Variants in EBF1 observed in about 807,000 individuals in gnomAD.
The protein encoded by EBF1 is transcription factor COE1.
A neutral mutation model predicts 68.4 loss-of-function variants in EBF1; 10 were observed. The ratio of observed to expected loss-of-function variants is 0.15; its 90% CI spans 0.09 to 0.25. The LOEUF (loss-of-function observed/expected upper bound fraction) is 0.25, where lower values mean the gene tolerates loss of function less well. Ranked by LOEUF, EBF1 falls within the 10% of genes least tolerant of loss-of-function variation. EBF1 has a pLI of 1.00. For missense variants in EBF1, 509 were observed against 794.4 expected (o/e 0.64, Z 4.32); for synonymous variants, 298 against 299.8 (o/e 0.99, Z 0.06).
At position 158,696,052 on chromosome 5, in the gene EBF1, AGT is replaced by A. The variant is rs1755714328; in HGVS notation, c.*3057_*3058del. The stretch of plus-strand genomic sequence containing the variant: ...AGGTTCTCTAACAATTGAACTGTAC[AGT>A]GTGTGTCTATTCAAAAAGTTTTGAT... On this transcript the variant is annotated 3_prime_UTR_variant, in exon 16 of 16. Coordinates refer to ENST00000313708, the MANE Select transcript of EBF1 (RefSeq NM_024007.5). 9.7e-6 allele frequency: 2 copies of A among 205,936 alleles called. No individual in the cohort carries two copies. Among genetic ancestry groups the A allele is most frequent in the Admixed American group, 5.9e-5 (1 of 16,824 alleles). 12.8% of individuals were successfully genotyped at this position (205,936 alleles called of 1,614,324 possible).
chr5:158,910,358 G>T (rs1187376081), intron 6 of EBF1, among the ~76,000 whole-genome samples: 1 of 152,174 alleles, frequency 6.6e-6, no homozygotes, highest in Non-Finnish European at 1.5e-5. Flanking sequence ...CTTAGAGAAA[G>T]GCACATTCAA....
In EBF1 at chr5:158,918,014, A is replaced by G. The variant is rs78464345; in HGVS notation, c.555-77904T>C. Among the ~76,000 whole-genome samples, 697 of 152,296 alleles carry G rather than the reference A, an allele frequency of 4.6e-3. 4 individuals carry two copies. Among genetic ancestry groups the G allele is most frequent in the African/African-American group, 0.015 (643 of 41,564 alleles). ...GCCCAGAACACTGAGGCCATTGAAG[A>G]CAGAAGAGAGAGAGAAGGCAAGTGG... On this transcript the variant is annotated intron_variant, in intron 6 of 15. Transcript: ENST00000313708.
rs372308285 is a variant in EBF1, at chr5:158,880,324, T to C, written c.555-40214A>G. Among the ~76,000 whole-genome samples, 13 of 152,164 alleles carry C rather than the reference T, an allele frequency of 8.5e-5. 1 individual carries two copies. Among genetic ancestry groups the C allele is most frequent in the African/African-American group, 3.1e-4 (13 of 41,482 alleles). ...CTGAGAAACCGCAGCTTTAGAAAAA[T>C]GGATAAAGATACCATGAGAGAGCTC... On this transcript the variant is annotated intron_variant, in intron 6 of 15. Coordinates refer to ENST00000313708, the MANE Select transcript of EBF1 (RefSeq NM_024007.5).
At chr5:158,836,349 A>G (rs1010786472) in intron 7 of EBF1, among the ~76,000 whole-genome samples, 1 of 152,186 alleles carries the variant, frequency 6.6e-6, no homozygotes, top group Non-Finnish European at 1.5e-5. Context: ...CTTCAGAAGG[A>G]GACCTGGAAA....
rs1801137598 is a variant in EBF1, at chr5:158,891,345, T to C, written c.555-51235A>G. ...AGTGGGAACTGTGTCCCTGTAACTG[T>C]AGGAAGAAGCTCATCCTTCTCTTAT... On this transcript the variant is annotated intron_variant, in intron 6 of 15. Coordinates refer to ENST00000313708, the MANE Select transcript of EBF1 (RefSeq NM_024007.5). Among the ~76,000 whole-genome samples the C allele has an allele frequency of 2.0e-5, 3 of 152,298 alleles. No homozygotes were observed. In the South Asian group the frequency reaches 6.2e-4, roughly 32 times the overall value.
chr5:158,757,374 C>G (rs1280980754), intron 10 of EBF1, among the ~76,000 whole-genome samples: 1 of 152,136 alleles, frequency 6.6e-6, no homozygotes, highest in Non-Finnish European at 1.5e-5. Flanking sequence ...TCTCTCATTA[C>G]AAGAGTCACT....
chr5:158,910,177 G>T (rs535262059), intron 6 of EBF1, among the ~76,000 whole-genome samples: 1 of 152,118 alleles, frequency 6.6e-6, no homozygotes, highest in South Asian at 2.1e-4. Context: ...TGATTTATTT[G>T]TCCTCTGGTC....
intron 10 of EBF1, among the ~76,000 whole-genome samples, chr5:158,758,477 C>T (rs17056170): frequency 0.093 from 14,101 of 152,154 alleles, 743 homozygotes; most frequent in African/African-American, 0.11. Context: ...AATCTGTTTG[C>T]CCACAAGGGA....
intron 6 of EBF1, among the ~76,000 whole-genome samples, chr5:158,976,288 T>C (rs1209652417): frequency 6.6e-6 from 1 of 152,182 alleles, no homozygotes; most frequent in Non-Finnish European, 1.5e-5. Context: ...TAATGGGACT[T>C]AAACCTAGGC....
intron 6 of EBF1, among the ~76,000 whole-genome samples, chr5:159,029,134 T>C (rs1318116371): frequency 6.6e-6 from 1 of 152,100 alleles, no homozygotes; most frequent in Non-Finnish European, 1.5e-5. Context: ...AAAAAAGACA[T>C]ATAAATAAAA....
intron 5 of EBF1, among the ~76,000 whole-genome samples, chr5:159,082,728 C>A (rs1779950677): frequency 6.6e-6 from 1 of 152,210 alleles, no homozygotes; most frequent in African/African-American, 2.4e-5. Context: ...CCTTATACAT[C>A]TATAGGCAGC....
intron 10 of EBF1, among the ~76,000 whole-genome samples, chr5:158,756,806 T>C (rs1196408779): frequency 6.6e-6 from 1 of 151,882 alleles, no homozygotes; most frequent in East Asian, 1.9e-4. Flanking sequence ...GTGAAATTCA[T>C]GCATGTGCCA....
At chr5:158,999,643 T>G (rs1024187714) in intron 6 of EBF1, among the ~76,000 whole-genome samples, 1 of 152,192 alleles carries the variant, frequency 6.6e-6, no homozygotes, top group Admixed American at 6.5e-5. Flanking sequence ...AAATGAAAAC[T>G]AAGTTCAGCA....
chr5:158,737,308 G>A (rs1328374723), intron 10 of EBF1, among the ~76,000 whole-genome samples: 1 of 102,018 alleles, frequency 9.8e-6, no homozygotes, highest in Admixed American at 1.4e-4. Context: ...TTTTGAGACG[G>A]AGTCTCGCTC....
At chr5:158,728,353 G>GA (rs1454971283) in intron 11 of EBF1, among the ~76,000 whole-genome samples, 42 of 152,086 alleles carry the variant, frequency 2.8e-4, no homozygotes, top group Non-Finnish European at 4.6e-4. Context: ...CCAAACCCAG[G>GA]AAAAAAGGGT....
At chr5:159,088,808 G>C (rs1382802177) in intron 4 of EBF1, among the ~76,000 whole-genome samples, 2 of 152,036 alleles carry the variant, frequency 1.3e-5, no homozygotes, top group Non-Finnish European at 2.9e-5. Flanking sequence ...GGGAGGGGGA[G>C]AAAAATCATA....
At chr5:158,932,105 C>T (rs1811010684) in intron 6 of EBF1, among the ~76,000 whole-genome samples, 1 of 152,200 alleles carries the variant, frequency 6.6e-6, no homozygotes, top group South Asian at 2.1e-4. Flanking sequence ...CTCTGGGAAG[C>T]ACTTTGGTAT....
intron 10 of EBF1, among the ~76,000 whole-genome samples, chr5:158,769,391 A>G (rs931916560): frequency 2.0e-5 from 3 of 151,326 alleles, no homozygotes; most frequent in African/African-American, 7.4e-5. Context: ...CTCTAATGTC[A>G]GTGAAAATAT....
intron 10 of EBF1, among the ~76,000 whole-genome samples, chr5:158,737,103 G>A (rs1033003112): frequency 8.5e-5 from 13 of 152,048 alleles, no homozygotes; most frequent in African/African-American, 2.4e-4. Flanking sequence ...CCCCTGCCTC[G>A]GAGAGAGCGA....
Sources: allele counts gnomAD v4.1 joint callset (sites outside exome capture counted in the v4.1 genomes callset), GRCh38; gene constraint gnomAD v4.1.1; transcripts MANE v1.5; gene names NCBI Gene and HGNC (gene_info 2026-07-23, HGNC 2026-07-21).